The following ACTN4 variants were observed in gnomAD, a reference collection of about 807,000 sequenced individuals.
The protein encoded by ACTN4 is actinin alpha 4.
Under a neutral mutation model 114.2 loss-of-function variants are expected in ACTN4, and 18 were observed. The observed-to-expected ratio is 0.16, with a 90% CI of 0.11 to 0.23. The LOEUF (loss-of-function observed/expected upper bound fraction) is 0.23. ACTN4 is among the 10% of genes least tolerant of loss of function. The pLI, the probability that ACTN4 is intolerant of heterozygous loss-of-function variation, is 1.00. For synonymous variants in ACTN4, 515 were observed against 506.3 expected, an observed-to-expected ratio of 1.02 and a Z score of -0.23; for missense variants, 722 against 1,262.9, an observed-to-expected ratio of 0.57 and a Z score of 6.49.
rs1406366873 is a variant in ACTN4, at chr19:38,717,824, C to T, written c.1144-103C>T. 3 of 1,483,228 alleles carry T rather than the reference C, an allele frequency of 2.0e-6. No individual in the cohort carries two copies. Among genetic ancestry groups the T allele is most frequent in the Non-Finnish European group, 2.8e-6 (3 of 1,090,684 alleles). 91.9% of individuals were successfully genotyped at this position (1,483,228 alleles called of 1,614,324 possible). On this transcript the variant is annotated intron_variant, in intron 10 of 20. Coordinates refer to ENST00000252699, the MANE Select transcript of ACTN4 (RefSeq NM_004924.6). The surrounding 1 kb of genome is among the most constrained non-coding windows in gnomAD (Gnocchi z 4.0). ...TAGCAAAGCATGACACAGACATGAC[C>T]CCAGCCAAGTTCTGCCACCTTCCCA...
At position 38,723,951 on chromosome 19, in the gene ACTN4, G is replaced by A; in HGVS notation, c.1566G>A (p.Gln522=). The change falls in exon 14 of 21, where the codon CAG becomes CAA. Residue 522 remains glutamine (Q), a synonymous_variant. Coordinates refer to ENST00000252699, the MANE Select transcript of ACTN4 (RefSeq NM_004924.6). ...RREALEKTEK[Q]LEAIDQLHLE... is the part of the protein sequence containing the mutation. The stretch of plus-strand genomic sequence containing the variant: ...CCACACACTAGAAAACAGAGAAGCA[G>A]CTGGAGGCCATCGACCAGCTGCACC... 1 of 1,612,926 alleles carries A rather than the reference G, an allele frequency of 6.2e-7. No individual in the cohort carries two copies. Among genetic ancestry groups the A allele is most frequent in the Admixed American group, 1.7e-5 (1 of 59,958 alleles).
chr19:38,715,774 G>A (rs919735822), intron 9 of ACTN4, among the ~76,000 whole-genome samples: 15 of 152,202 alleles, frequency 9.9e-5, no homozygotes, highest in Non-Finnish European at 1.8e-4. Context: ...CTGGCAGCAC[G>A]CCTCACAATG....
intron 1 of ACTN4, among the ~76,000 whole-genome samples, chr19:38,649,988 T>A (rs1363378031): frequency 6.6e-6 from 1 of 151,992 alleles, no homozygotes; most frequent in Non-Finnish European, 1.5e-5. Flanking sequence ...TAAATTCACT[T>A]TTTGAGGGGA....
At chr19:38,660,270 A>G (rs1399786138) in intron 1 of ACTN4, among the ~76,000 whole-genome samples, 2 of 152,202 alleles carry the variant, frequency 1.3e-5, no homozygotes, top group Admixed American at 1.3e-4. Flanking sequence ...GGGAGACAGC[A>G]TGCATATAGA....
intron 1 of ACTN4, among the ~76,000 whole-genome samples, chr19:38,679,264 C>T (rs893640658): frequency 6.6e-5 from 10 of 152,084 alleles, no homozygotes. Context: ...CAGAGACTGC[C>T]TGGTTTCCAT....
chr19:38,714,269 C>T (rs1253532634), intron 8 of ACTN4, among the ~76,000 whole-genome samples, 200 bp from the exon 9 acceptor site: 3 of 152,228 alleles, frequency 2.0e-5, no homozygotes, highest in Non-Finnish European at 4.4e-5. Flanking sequence ...TTTCTGGACC[C>T]AGGGGCATTT....
At chr19:38,703,332 G>A (rs547247130) in intron 3 of ACTN4, among the ~76,000 whole-genome samples, 5 of 148,722 alleles carry the variant, frequency 3.4e-5, no homozygotes, top group African/African-American at 2.5e-5. Context: ...TCTGCCTCCC[G>A]GGCTCAAGCA....
chr19:38,729,395 C>A lies in ACTN4; in HGVS notation c.2699C>A (p.Ser900Tyr), dbSNP rs1599868498. The change falls in exon 21 of 21, where the codon TCC (serine) becomes TAC (tyrosine). Residue 900 changes from serine (S) to tyrosine (Y), a missense_variant. Coordinates refer to ENST00000252699, the MANE Select transcript of ACTN4 (RefSeq NM_004924.6). Reference sequence around the variant, plus strand: ...GTGCCCGGTGCCCTCGACTACAAGTCCTTCTCCACGGCCTTGTATGGCGAG... The same window carrying A: ...GTGCCCGGTGCCCTCGACTACAAGTACTTCTCCACGGCCTTGTATGGCGAG... ...DAVPGALDYK[S>Y]FSTALYGESD... is the part of the protein sequence containing the mutation. 1 of 1,612,880 alleles carries A rather than the reference C, an allele frequency of 6.2e-7. No individual in the cohort carries two copies. The highest frequency in any genetic ancestry group is 2.2e-5 in the East Asian group (1 of 44,872).
chr19:38,712,930 TG>T (rs1227737831), intron 8 of ACTN4, among the ~76,000 whole-genome samples: 1 of 152,122 alleles, frequency 6.6e-6, no homozygotes, highest in Non-Finnish European at 1.5e-5. Context: ...GCTGAGGCAC[TG>T]GGCCTGGAGG....
chr19:38,663,943 A>G (rs1976970996), intron 1 of ACTN4, among the ~76,000 whole-genome samples: 1 of 152,250 alleles, frequency 6.6e-6, no homozygotes, highest in Non-Finnish European at 1.5e-5. Context: ...TTCGACAAAA[A>G]GAATGGAGAG....
rs774775918 is a variant in ACTN4, at chr19:38,647,691, G to GGGCGGGAGCTGA, written c.-45_-34dup. 6.6e-7 allele frequency: 1 copy of GGGCGGGAGCTGA among 1,509,040 alleles called. No homozygotes were observed. The highest frequency in any genetic ancestry group is 1.5e-5 in the African/African-American group (1 of 68,830). 93.5% of individuals were successfully genotyped at this position (1,509,040 alleles called of 1,614,324 possible). A position where few individuals can be genotyped will look rare whatever the true frequency, so the allele number is the denominator to read the frequency against. ...GGTAGCGGCGGCGGCTCGGGCAGAG[G>GGGCGGGAGCTGA]GGCGGGAGCTGAGGCGGGAGCGGAC... On this transcript the variant is annotated 5_prime_UTR_variant, in exon 1 of 21. Transcript: ENST00000252699.
chr19:38,673,547 TTA>T lies in ACTN4; in HGVS notation c.162+25647_162+25648del, dbSNP rs1303191295. ...TATATTCATATATACTTATATATAT[TTA>T]TATATACTTATATATATTTATATAT... is the stretch of plus-strand genomic sequence containing the variant. On this transcript the variant is annotated intron_variant, in intron 1 of 20. Transcript: ENST00000252699. Among the ~76,000 whole-genome samples, 7 of 88,236 alleles carry T rather than the reference TTA, an allele frequency of 7.9e-5. 1 individual carries two copies. The highest frequency in any genetic ancestry group is 3.0e-4 in the East Asian group (1 of 3,388). The allele number at this position is 88,236 out of a possible 152,430, so 57.9% of individuals were successfully genotyped here.
chr19:38,721,293 T>C (rs1969032003), intron 11 of ACTN4, among the ~76,000 whole-genome samples: 2 of 152,246 alleles, frequency 1.3e-5, no homozygotes, highest in South Asian at 4.1e-4. Context: ...CAGGTTGAGA[T>C]GGAATCTCTC....
At chr19:38,649,774 G>T (rs886349730) in intron 1 of ACTN4, among the ~76,000 whole-genome samples, 10 of 152,176 alleles carry the variant, frequency 6.6e-5, no homozygotes, top group Non-Finnish European at 1.3e-4. Context: ...GCCCAGGCTG[G>T]AGGGGAAAGG....
At chr19:38,699,382 G>C (rs1044500442) in intron 1 of ACTN4, among the ~76,000 whole-genome samples, 1 of 152,190 alleles carries the variant, frequency 6.6e-6, no homozygotes, top group African/African-American at 2.4e-5. Flanking sequence ...CTCCTTAGAT[G>C]CGGCTGCCTG....
rs760263973 is a variant in ACTN4 at position 38,721,518 on chromosome 19, C to G, written c.1292-20C>G. On this transcript the variant is annotated intron_variant, in intron 11 of 20. Transcript: ENST00000252699. ...CACAGCTGCCGTGCTGTGGTCTAAG[C>G]GTCTCTCTGCTCCTACCAGGGAAGG... 6.2e-7 allele frequency: 1 copy of G among 1,613,398 alleles called. No individual in the cohort carries two copies. Among genetic ancestry groups the G allele is most frequent in the Admixed American group, 1.7e-5 (1 of 60,024 alleles).
At chr19:38,710,213 C>T (rs771129935) in intron 7 of ACTN4, 44 bp from the exon 8 acceptor site, 2 of 1,604,602 alleles carry the variant, frequency 1.2e-6, no homozygotes, top group Non-Finnish European at 1.7e-6. Context: ...CGCCTCCACC[C>T]CCCGCCCTAC....
intron 8 of ACTN4, chr19:38,711,409 TCACCACCGCCCTTG>T (rs922845856): frequency 2.2e-6 from 2 of 920,832 alleles, no homozygotes; most frequent in Non-Finnish European, 2.6e-6. Context: ...AGACCTGCCT[TCACCACCGCCCTTG>T]CATCACCGCT....
chr19:38,710,228 G>T, intron 7 of ACTN4, 29 bp from the exon 8 acceptor site: 1 of 1,613,526 alleles, frequency 6.2e-7, no homozygotes, highest in South Asian at 1.1e-5. Flanking sequence ...CCCTACTCGG[G>T]CAGTTTAACC....
Sources: gnomAD v4.1 joint callset for allele counts (sites outside exome capture counted in the v4.1 genomes callset) on GRCh38, gnomAD v4.1.1 for gene constraint, Gnocchi (gnomAD v3.1) non-coding constraint, MANE v1.5 for transcripts, NCBI Gene and HGNC (gene_info 2026-07-23, HGNC 2026-07-21) for gene names.